NUMBL: variants seen among roughly 807,000 people sequenced by gnomAD.
NUMBL encodes NUMB like endocytic adaptor protein, also known as numb-like protein.
A neutral mutation model predicts 48.9 loss-of-function variants in NUMBL; 20 were observed. The observed-to-expected ratio is 0.41, with a 90% CI of 0.29 to 0.59. The LOEUF (loss-of-function observed/expected upper bound fraction) is 0.59. Ranked by LOEUF, NUMBL falls within the 20% of genes least tolerant of loss-of-function variation. The probability of loss-of-function intolerance (pLI) is 0.31; values close to 1 mark genes in which losing one functional copy is unlikely to be tolerated. For synonymous variants in NUMBL, 340 were observed against 348.7 expected, an observed-to-expected ratio of 0.98 and a Z score of 0.28; for missense variants, 660 against 846.2, an observed-to-expected ratio of 0.78 and a Z score of 2.73.
intron 7 of NUMBL, among the ~76,000 whole-genome samples, chr19:40,674,210 C>A (rs1240360578): frequency 6.6e-6 from 1 of 152,158 alleles, no homozygotes; most frequent in Non-Finnish European, 1.5e-5. Context: ...TGACCTGTCT[C>A]TCCATATCAT....
intron 2 of NUMBL, chr19:40,684,946 T>C: frequency 4.5e-6 from 1 of 221,142 alleles, no homozygotes; most frequent in Non-Finnish European, 9.1e-6. Context: ...GCATGGGGGC[T>C]AGAGGGCATA....
rs1337308674 is a variant in NUMBL, at chr19:40,682,495, G to A, written c.399+233C>T. On this transcript the variant is annotated intron_variant, in intron 5 of 9. Transcript: ENST00000252891. This position sits in a 1 kb window ranked among gnomAD's most constrained non-coding sequence, Gnocchi z 4.0. ...TAAATCTCATGCCCAGGGTCCCTAA[G>A]CTGGGATCGGAGCTGAGGCAGCTGC... Among the ~76,000 whole-genome samples, 2 of 152,192 alleles carry A rather than the reference G, an allele frequency of 1.3e-5. No individual in the cohort carries two copies. The highest frequency in any genetic ancestry group is 4.8e-5 in the African/African-American group (2 of 41,450).
intron 2 of NUMBL, 33 bp from the exon 3 acceptor site, chr19:40,684,589 G>A (rs148629984): frequency 8.2e-4 from 1,296 of 1,577,432 alleles, no homozygotes; most frequent in Non-Finnish European, 1.0e-3. Context: ...TGGGTCAAGG[G>A]TGGGGGTCAG....
chr19:40,676,110 G>A (rs1026094841), intron 7 of NUMBL, among the ~76,000 whole-genome samples: 9 of 152,150 alleles, frequency 5.9e-5, no homozygotes, highest in African/African-American at 1.4e-4. Flanking sequence ...AGCCACATGG[G>A]CTGGGCCCAG....
At chr19:40,672,265 T>C (rs1383938639) in intron 8 of NUMBL, among the ~76,000 whole-genome samples, 13 of 152,162 alleles carry the variant, frequency 8.5e-5, no homozygotes. Context: ...ACAATGCTTT[T>C]TTCCCCCACG....
At position 40,673,221 on chromosome 19, in the gene NUMBL, T is replaced by G. The variant is rs1441618392; in HGVS notation, c.1036+123A>C. On this transcript the variant is annotated intron_variant, in intron 8 of 9. Coordinates refer to ENST00000252891, the MANE Select transcript of NUMBL (RefSeq NM_004756.5). The surrounding 1 kb of genome is among the most constrained non-coding windows in gnomAD (Gnocchi z 5.9). ...GATCATGACATGTTCCCACTCTCTC[T>G]CCTTTGCCCATGGCAGACAGTGCAA... The G allele has an allele frequency of 6.8e-6, 7 of 1,028,342 alleles. No individual in the cohort carries two copies. The highest frequency in any genetic ancestry group is 8.3e-6 in the Non-Finnish European group (6 of 723,222). 63.7% of individuals were successfully genotyped at this position (1,028,342 alleles called of 1,614,324 possible).
chr19:40,672,683 A>C (rs1328065662), intron 8 of NUMBL, among the ~76,000 whole-genome samples: 1 of 152,170 alleles, frequency 6.6e-6, no homozygotes, highest in Non-Finnish European at 1.5e-5. Context: ...CATGACTGCT[A>C]ACCGATCATG....
chr19:40,668,167 AG>A, intron 9 of NUMBL, 29 bp from the exon 10 acceptor site: 1 of 1,556,192 alleles, frequency 6.4e-7, no homozygotes, highest in Non-Finnish European at 8.7e-7. Context: ...CAGGTGAGGG[AG>A]GGGGCAACGG....
chr19:40,687,369 G>A lies in NUMBL; in HGVS notation c.25-374C>T, dbSNP rs1219197744. Reference sequence around the variant, plus strand: ...TTTACACACTTGGTTACACATAGACGCAATCACAGCTACACACCTCAGATC... The same window carrying A: ...TTTACACACTTGGTTACACATAGACACAATCACAGCTACACACCTCAGATC... On this transcript the variant is annotated intron_variant, in intron 1 of 9. Coordinates refer to ENST00000252891, the MANE Select transcript of NUMBL (RefSeq NM_004756.5). The surrounding 1 kb of genome is among the most constrained non-coding windows in gnomAD (Gnocchi z 4.6). 1.3e-5 allele frequency among the ~76,000 whole-genome samples: 2 copies of A among 152,104 alleles called. No individual in the cohort carries two copies. Among genetic ancestry groups the A allele is most frequent in the African/African-American group, 2.4e-5 (1 of 41,416 alleles).
Position 40,688,459 on chromosome 19 carries a change from T to TCC in NUMBL, c.25-1465_25-1464insGG, listed in dbSNP as rs2081945410. 2.0e-5 allele frequency among the ~76,000 whole-genome samples: 3 copies of TCC among 152,082 alleles called. No individual in the cohort carries two copies. The South Asian group carries it at 6.2e-4, about 32-fold the overall frequency. ...CCAGGATGTGGCATTTATAGCTGGG[T>TCC]TTACACAGAAGACACAGGTCCTGAC... On this transcript the variant is annotated intron_variant, in intron 1 of 9. Transcript: ENST00000252891. This position sits in a 1 kb window ranked among gnomAD's most constrained non-coding sequence, Gnocchi z 4.6.
chr19:40,686,989 G>T lies in NUMBL; in HGVS notation c.31C>A (p.Pro11Thr). ...GGCAGGTGCCGCTCAGGCCTCCGGGGTCCGCCCTGCCCGAGTAGGGGAGGA... is the reference window on the plus strand; with the variant it reads ...GGCAGGTGCCGCTCAGGCCTCCGGGTTCCGCCCTGCCCGAGTAGGGGAGGA... MSRSAAASGG[P>T]RRPERHLPPA... is the part of the protein sequence containing the mutation. The change falls in exon 2 of 10, where the codon CCC becomes ACC. Residue 11 changes from proline to threonine, a missense_variant. Pro to Thr is a conservative substitution (Grantham distance 38, BLOSUM62 -1). Transcript: ENST00000252891. The T allele has an allele frequency of 6.6e-7, 1 of 1,510,348 alleles. No homozygotes were observed. Among genetic ancestry groups the T allele is most frequent in the Non-Finnish European group, 8.8e-7 (1 of 1,132,274 alleles). The allele number at this position is 1,510,348 out of a possible 1,614,324, so 93.6% of individuals were successfully genotyped here. A position where few individuals can be genotyped will look rare whatever the true frequency, so the allele number is the denominator to read the frequency against.
At chr19:40,675,576 AACACACACACACACAC>A (rs3071383) in intron 7 of NUMBL, among the ~76,000 whole-genome samples, 5 of 142,392 alleles carry the variant, frequency 3.5e-5, no homozygotes, top group South Asian at 2.2e-4. Context: ...TTATATTTTA[AACACACACACACACAC>A]ACACACACAC....
chr19:40,671,712 G>A (rs2081848942), intron 8 of NUMBL, among the ~76,000 whole-genome samples: 1 of 152,170 alleles, frequency 6.6e-6, no homozygotes, highest in Non-Finnish European at 1.5e-5. Context: ...AATCCCCGAG[G>A]ACATAACGGG....
At chr19:40,672,622 C>T (rs748803375) in intron 8 of NUMBL, among the ~76,000 whole-genome samples, 1 of 152,248 alleles carries the variant, frequency 6.6e-6, no homozygotes, top group African/African-American at 2.4e-5. Flanking sequence ...AAACATAACA[C>T]TCTTGCTACT....
At chr19:40,684,664 C>G in intron 2 of NUMBL, 108 bp from the exon 3 acceptor site, 3 of 1,420,898 alleles carry the variant, frequency 2.1e-6, no homozygotes, top group Non-Finnish European at 2.8e-6. Context: ...AACAAGATAA[C>G]TGGAAGCGGG....
chr19:40,672,843 G>T (rs1046713350), intron 8 of NUMBL, among the ~76,000 whole-genome samples: 3 of 152,100 alleles, frequency 2.0e-5, no homozygotes, highest in Non-Finnish European at 4.4e-5. Context: ...AGAGCCTGAG[G>T]AATACCTGTA....
chr19:40,680,690 C>G (rs897959259), intron 6 of NUMBL, among the ~76,000 whole-genome samples: 1 of 152,144 alleles, frequency 6.6e-6, no homozygotes, highest in Non-Finnish European at 1.5e-5. Flanking sequence ...CTCAGGCAAT[C>G]CCCCCGCCCC....
chr19:40,682,718 G>A lies in NUMBL; in HGVS notation c.399+10C>T. ...AGGCCCCCTGGCGTCCACCCCCACA[G>A]GCCTCCTACCTTGGTTTTGTCGTCC... On this transcript the variant is annotated intron_variant, in intron 5 of 9. Transcript: ENST00000252891. This position sits in a 1 kb window ranked among gnomAD's most constrained non-coding sequence, Gnocchi z 4.0. 1.9e-6 allele frequency: 3 copies of A among 1,613,690 alleles called. No homozygotes were observed. Among genetic ancestry groups the A allele is most frequent in the Admixed American group, 1.7e-5 (1 of 59,996 alleles).
rs2081908154 is a variant in NUMBL at position 40,682,108 on chromosome 19, C to T, written c.399+620G>A. 6.6e-6 allele frequency among the ~76,000 whole-genome samples: 1 copy of T among 152,192 alleles called. No homozygotes were observed. Among genetic ancestry groups the T allele is most frequent in the Non-Finnish European group, 1.5e-5 (1 of 68,040 alleles). On this transcript the variant is annotated intron_variant, in intron 5 of 9. Coordinates refer to ENST00000252891, the MANE Select transcript of NUMBL (RefSeq NM_004756.5). The surrounding 1 kb of genome is among the most constrained non-coding windows in gnomAD (Gnocchi z 4.0). ...CAAATAACTTGCATATGCTTTCTCA[C>T]TTAATGGTAGGGTCTATTATAATCC...
Sources: gnomAD v4.1 joint callset for allele counts (sites outside exome capture counted in the v4.1 genomes callset) on GRCh38, gnomAD v4.1.1 for gene constraint, Gnocchi (gnomAD v3.1) non-coding constraint, MANE v1.5 for transcripts, NCBI Gene and HGNC (gene_info 2026-07-23, HGNC 2026-07-21) for gene names.